Variants in IPO4 observed in about 807,000 individuals in gnomAD.
IPO4 encodes importin 4.
A neutral mutation model predicts 133.5 loss-of-function variants in IPO4; 91 were observed. The observed-to-expected ratio is 0.68, with a 90% CI of 0.58 to 0.81. IPO4 has a LOEUF of 0.81. Among genes scored for constraint, IPO4 ranks in the 30% least tolerant of loss-of-function variants. The probability of loss-of-function intolerance (pLI) is 0.00; values close to 1 mark genes in which losing one functional copy is unlikely to be tolerated. For synonymous variants in IPO4, 607 were observed against 581.6 expected (o/e 1.04, Z -0.63); for missense variants, 1,279 against 1,386.2 (o/e 0.92, Z 1.23).
chr14:24,187,132 C>T lies in IPO4; in HGVS notation c.607G>A (p.Val203Met). The T allele has an allele frequency of 5.0e-6, 8 of 1,613,882 alleles. No homozygotes were observed. The highest frequency in any genetic ancestry group is 5.9e-6 in the Non-Finnish European group (7 of 1,179,834). Residue 203 changes from valine to methionine, a missense_variant, in exon 7 of 30, where the codon GTG (valine) becomes ATG (methionine). This residue lies in a region of IPO4 where 695 missense variants were observed against 704.1 expected (regional missense o/e 0.99). Coordinates refer to ENST00000354464, the MANE Select transcript of IPO4 (RefSeq NM_024658.4). ...TGCATGGCCATGATCAGCTTGGGCACCAACATCCGAGCGAGAGGCTGAGGG... is the reference window on the plus strand; with the variant it reads ...TGCATGGCCATGATCAGCTTGGGCATCAACATCCGAGCGAGAGGCTGAGGG... The part of the protein sequence containing the change: ...TEDVPLARML[V>M]PKLIMAMQTL...
At position 24,188,780 on chromosome 14, in the gene IPO4, G is replaced by A; in HGVS notation, c.8C>T (p.Ser3Leu). The A allele has an allele frequency of 6.6e-7, 1 of 1,509,984 alleles. No homozygotes were observed. Among genetic ancestry groups the A allele is most frequent in the Non-Finnish European group, 8.8e-7 (1 of 1,131,334 alleles). The allele number at this position is 1,509,984 out of a possible 1,614,324, so 93.5% of individuals were successfully genotyped here. ME[S>L]AGLEQLLREL... ...CCGTAGGAGCTGCTCTAGCCCGGCTGACTCCATGGCAGCAACTGAGCCGCC... is the reference window on the plus strand; with the variant it reads ...CCGTAGGAGCTGCTCTAGCCCGGCTAACTCCATGGCAGCAACTGAGCCGCC... The change falls in exon 1 of 30, where the codon TCA becomes TTA. Residue 3 changes from serine (S) to leucine (L), a missense_variant. By Grantham distance (145) the Ser-to-Leu change is moderately radical. Coordinates refer to ENST00000354464, the MANE Select transcript of IPO4 (RefSeq NM_024658.4).
rs2039167544 is a variant in IPO4 at position 24,183,204 on chromosome 14, C to G, written c.2228-35G>C. ...TTATTGGCTGAAGCACCAGTCAGGCCCTGCCCCTCCCCAAGAACCCCCAGC... is the reference window on the plus strand; with the variant it reads ...TTATTGGCTGAAGCACCAGTCAGGCGCTGCCCCTCCCCAAGAACCCCCAGC... On this transcript the variant is annotated intron_variant, in intron 22 of 29. Transcript: ENST00000354464. 4 of 1,611,666 alleles carry G rather than the reference C, an allele frequency of 2.5e-6. No individual in the cohort carries two copies. The African/African-American group carries it at 5.3e-5, about 21-fold the overall frequency.
At chr14:24,186,555 C>T (rs1418337403) in intron 9 of IPO4, 104 bp from the exon 10 acceptor site, 3 of 1,424,174 alleles carry the variant, frequency 2.1e-6, no homozygotes, top group Non-Finnish European at 1.9e-6. Context: ...ACAGAAAATT[C>T]CCAACCTCCC....
intron 28 of IPO4, among the ~76,000 whole-genome samples, 160 bp from the exon 29 acceptor site, chr14:24,180,918 A>G (rs928298791): frequency 8.5e-5 from 13 of 152,182 alleles, no homozygotes; most frequent in African/African-American, 3.1e-4. Flanking sequence ...AGAAGAACCA[A>G]TGAAACTTGG....
chr14:24,183,925 T>C (rs1306757933), intron 18 of IPO4, 27 bp from the exon 19 acceptor site: 3 of 1,613,724 alleles, frequency 1.9e-6, no homozygotes, highest in Non-Finnish European at 1.7e-6. Context: ...GCAAGGACTT[T>C]GGCTCAGCTG....
intron 9 of IPO4, 128 bp downstream of exon 9, chr14:24,186,580 G>A: frequency 5.9e-6 from 8 of 1,354,170 alleles, no homozygotes; most frequent in Non-Finnish European, 8.2e-6. Context: ...AGGAGCTGGG[G>A]TGAGGCCAGG....
At chr14:24,182,209 G>A (rs749610625) in intron 25 of IPO4, 46 bp from the exon 26 acceptor site, 1 of 1,613,890 alleles carries the variant, frequency 6.2e-7, no homozygotes, top group Non-Finnish European at 8.5e-7. Context: ...CTGGGCCAAG[G>A]ATAAAGGCTG....
intron 19 of IPO4, 41 bp downstream of exon 19, chr14:24,183,742 C>T (rs1439212202): frequency 1.4e-5 from 23 of 1,614,060 alleles, no homozygotes; most frequent in Admixed American, 1.0e-4. Flanking sequence ...TTGTCTAAAG[C>T]CAAAGTCTAG....
At position 24,186,307 on chromosome 14, in the gene IPO4, G is replaced by A. The variant is rs757986970; in HGVS notation, c.985C>T (p.Pro329Ser). 3.7e-6 allele frequency: 6 copies of A among 1,608,354 alleles called. No individual in the cohort carries two copies. The highest frequency in any genetic ancestry group is 4.2e-6 in the Non-Finnish European group (5 of 1,176,476). The stretch of plus-strand genomic sequence containing the variant: ...CTCACTTGTACAGCGAAATGCTTGG[G>A]AGTCTCCCCCATCAGCTCAATCTCC... ...ELEIELMGETPKHFAVQVVDM... is the reference protein window; with the variant it reads ...ELEIELMGETSKHFAVQVVDM... The change falls in exon 10 of 30, where the codon CCC becomes TCC. Residue 329 changes from proline to serine, a missense_variant. Pro to Ser is a moderately conservative substitution (Grantham distance 74). Around this residue, in one of 3 missense-constraint regions of IPO4, gnomAD observed 695 missense variants for 704.1 expected, o/e 0.99. Coordinates refer to ENST00000354464, the MANE Select transcript of IPO4 (RefSeq NM_024658.4).
intron 24 of IPO4, 76 bp from the exon 25 acceptor site, chr14:24,182,479 C>A: frequency 7.7e-6 from 12 of 1,549,562 alleles, no homozygotes; most frequent in Non-Finnish European, 1.0e-5. Context: ...GCTCTGCCAC[C>A]AGCTGCAGGG....
intron 13 of IPO4, 63 bp from the exon 14 acceptor site, chr14:24,185,375 G>A: frequency 6.2e-7 from 1 of 1,612,674 alleles, no homozygotes; most frequent in Non-Finnish European, 8.5e-7. Flanking sequence ...CAAGAGTGCT[G>A]ATGGCAGCAG....
intron 25 of IPO4, 31 bp downstream of exon 25, chr14:24,182,247 T>C (rs1437994722): frequency 4.3e-6 from 7 of 1,613,984 alleles, no homozygotes; most frequent in Non-Finnish European, 5.9e-6. Context: ...ACGAGGGGAC[T>C]AGGGCTTGAA....
At position 24,184,330 on chromosome 14, in the gene IPO4, G is replaced by C. The variant is rs1326580862; in HGVS notation, c.1725C>G (p.Asp575Glu). Reference protein sequence around the residue: ...ECCQLGLGLCDQVDDPDLRRC... With the variant: ...ECCQLGLGLCEQVDDPDLRRC... Reference sequence around the variant, plus strand: ...GCCGCAAGTCAGGGTCGTCTACCTGGTCGCAGAGGCCCAGACCCAGCTGGC... The same window carrying C: ...GCCGCAAGTCAGGGTCGTCTACCTGCTCGCAGAGGCCCAGACCCAGCTGGC... The change falls in exon 17 of 30, where the codon GAC (aspartate) becomes GAG (glutamate). Residue 575 changes from aspartate (D) to glutamate (E), a missense_variant. By Grantham distance (45) the Asp-to-Glu change is conservative (BLOSUM62 2). Coordinates refer to ENST00000354464, the MANE Select transcript of IPO4 (RefSeq NM_024658.4). 1.9e-6 allele frequency: 3 copies of C among 1,589,640 alleles called. No homozygotes were observed. The highest frequency in any genetic ancestry group is 2.6e-6 in the Non-Finnish European group (3 of 1,168,220).
intron 12 of IPO4, 106 bp downstream of exon 12, chr14:24,185,755 T>TG (rs2039210930): frequency 1.4e-5 from 14 of 1,011,834 alleles, no homozygotes; most frequent in Non-Finnish European, 2.0e-5. Context: ...CTTTTGATAA[T>TG]GGGGGGAAAC....
chr14:24,188,314 T>G (rs2039256466), intron 3 of IPO4, 30 bp downstream of exon 3: 4 of 1,613,096 alleles, frequency 2.5e-6, no homozygotes, highest in Non-Finnish European at 3.4e-6. Context: ...AGTCTCCGCC[T>G]GGCCCCGCCC....
At chr14:24,188,667 G>GCAA (rs1404183114) in intron 1 of IPO4, 29 bp from the exon 2 acceptor site, 1 of 1,602,808 alleles carries the variant, frequency 6.2e-7, no homozygotes, top group East Asian at 2.2e-5. Context: ...TGAGAGTTGG[G>GCAA]CCTTTCCCGC....
intron 6 of IPO4, 109 bp from the exon 7 acceptor site, chr14:24,187,259 G>A (rs1594443701): frequency 2.7e-6 from 4 of 1,463,840 alleles, no homozygotes; most frequent in Admixed American, 3.4e-5. Context: ...TAACAGCCAG[G>A]CCCACCTACA....
chr14:24,187,180 C>T (rs540709075), intron 6 of IPO4, 30 bp from the exon 7 acceptor site: 5 of 1,605,842 alleles, frequency 3.1e-6, no homozygotes, highest in Non-Finnish European at 4.3e-6. Flanking sequence ...GAGCATGATG[C>T]AGCCCAATCT....
intron 24 of IPO4, 125 bp downstream of exon 24, chr14:24,182,667 T>G: frequency 5.3e-6 from 6 of 1,124,570 alleles, no homozygotes; most frequent in Non-Finnish European, 6.8e-6. Context: ...TGTATCCCTC[T>G]GGCCATTACC....
Sources: allele counts gnomAD v4.1 joint callset (sites outside exome capture counted in the v4.1 genomes callset), GRCh38; gene constraint gnomAD v4.1.1; regional missense constraint gnomAD v4.1.1; transcripts MANE v1.5; gene names NCBI Gene and HGNC (gene_info 2026-07-23, HGNC 2026-07-21).